COLGALT2: variants seen among roughly 807,000 people sequenced by gnomAD.
COLGALT2 encodes the protein procollagen galactosyltransferase 2.
In COLGALT2, 49 loss-of-function variants were observed where a neutral mutation model predicts 73.4. The ratio of observed to expected loss-of-function variants is 0.67; its 90% CI spans 0.53 to 0.85. The LOEUF (loss-of-function observed/expected upper bound fraction) is 0.85, where lower values mean the gene tolerates loss of function less well. Among genes scored for constraint, COLGALT2 ranks in the 40% least tolerant of loss-of-function variants. COLGALT2 has a pLI of 0.00. For missense variants in COLGALT2, 722 were observed against 790.2 expected (o/e 0.91, Z 1.03); for synonymous variants, 295 against 307.6 (o/e 0.96, Z 0.43).
At chr1:183,960,654 T>C (rs1221858592) in intron 6 of COLGALT2, among the ~76,000 whole-genome samples, 1 of 152,248 alleles carries the variant, frequency 6.6e-6, no homozygotes, top group Non-Finnish European at 1.5e-5. Flanking sequence ...CATATACTAA[T>C]GCAAGCTTGT....
chr1:184,034,788 G>A (rs945033092), intron 1 of COLGALT2, among the ~76,000 whole-genome samples: 1 of 152,212 alleles, frequency 6.6e-6, no homozygotes, highest in Non-Finnish European at 1.5e-5. Flanking sequence ...GTAATTTTGA[G>A]TAAGTCAATC....
intron 1 of COLGALT2, among the ~76,000 whole-genome samples, chr1:184,014,284 A>G (rs1648928190): frequency 1.3e-5 from 2 of 152,210 alleles, no homozygotes; most frequent in South Asian, 4.1e-4. Flanking sequence ...CAGCAAGGTA[A>G]GAAGAAAATT....
intron 4 of COLGALT2, among the ~76,000 whole-genome samples, chr1:183,970,573 A>G (rs1234647191): frequency 6.6e-6 from 1 of 152,154 alleles, no homozygotes; most frequent in Non-Finnish European, 1.5e-5. Context: ...TGCCGACCCC[A>G]TGATAAGGGA....
chr1:183,969,621 A>G (rs995464301), intron 4 of COLGALT2, 148 bp from the exon 5 acceptor site: 9 of 561,950 alleles, frequency 1.6e-5, no homozygotes, highest in Non-Finnish European at 2.4e-5. Flanking sequence ...ATCATGGCCT[A>G]TGAATTTCCA....
chr1:183,932,008 G>A (rs1208963175), downstream of COLGALT2, among the ~76,000 whole-genome samples: 1 of 152,148 alleles, frequency 6.6e-6, no homozygotes, highest in Non-Finnish European at 1.5e-5. Flanking sequence ...TTATCTGAGA[G>A]TTTGCAGTAT....
intron 1 of COLGALT2, 85 bp downstream of exon 1, chr1:184,037,010 T>G: frequency 8.6e-7 from 1 of 1,168,646 alleles, no homozygotes; most frequent in Non-Finnish European, 1.1e-6. Context: ...TCCCTCGCCC[T>G]GCAGCTGCTG....
At chr1:183,940,922 A>G in intron 10 of COLGALT2, 135 bp from the exon 11 acceptor site, 2 of 782,592 alleles carry the variant, frequency 2.6e-6, no homozygotes, top group Non-Finnish European at 4.2e-6. Context: ...GATGTATCAC[A>G]TCCAAAAGTG....
chr1:184,023,195 T>C (rs561365614), intron 1 of COLGALT2, among the ~76,000 whole-genome samples: 2 of 152,348 alleles, frequency 1.3e-5, no homozygotes, highest in East Asian at 3.9e-4. Context: ...TTCTGTAGCA[T>C]ATAAACTCAA....
intron 11 of COLGALT2, 87 bp from the exon 12 acceptor site, chr1:183,939,124 T>A: frequency 1.1e-6 from 1 of 892,504 alleles, no homozygotes; most frequent in South Asian, 1.7e-5. Flanking sequence ...GCCTCCTGGT[T>A]ACCTCATGAG....
intron 7 of COLGALT2, among the ~76,000 whole-genome samples, chr1:183,953,134 C>T (rs900997667): frequency 3.9e-5 from 6 of 152,080 alleles, no homozygotes; most frequent in South Asian, 2.1e-4. Context: ...ACTGTAGCCA[C>T]GAAGTAAAAA....
intron 5 of COLGALT2, among the ~76,000 whole-genome samples, chr1:183,966,424 T>C (rs532495526): frequency 6.6e-6 from 1 of 152,326 alleles, no homozygotes; most frequent in Non-Finnish European, 1.5e-5. Flanking sequence ...TCTTTGGTGA[T>C]GAAAAATCAG....
intron 6 of COLGALT2, among the ~76,000 whole-genome samples, chr1:183,963,122 C>T (rs1656394271): frequency 6.6e-6 from 1 of 152,222 alleles, no homozygotes; most frequent in African/African-American, 2.4e-5. Flanking sequence ...TAATAAAAAG[C>T]ATAGCTACTG....
intron 1 of COLGALT2, among the ~76,000 whole-genome samples, chr1:183,980,298 A>G (rs1671313576): frequency 1.3e-5 from 2 of 151,976 alleles, no homozygotes; most frequent in South Asian, 4.1e-4. Context: ...CTAAAATGCT[A>G]CTTCTTTGAG....
At chr1:184,030,323 T>G (rs757200835) in intron 1 of COLGALT2, among the ~76,000 whole-genome samples, 2 of 152,184 alleles carry the variant, frequency 1.3e-5, no homozygotes, top group African/African-American at 2.4e-5. Context: ...ATAGCTATAA[T>G]TTAAACACAT....
chr1:184,021,355 A>G (rs1207475767), intron 1 of COLGALT2, among the ~76,000 whole-genome samples: 2 of 152,174 alleles, frequency 1.3e-5, no homozygotes, highest in African/African-American at 4.8e-5. Flanking sequence ...TTGATCCCCA[A>G]TGTGGTAACG....
intron 1 of COLGALT2, among the ~76,000 whole-genome samples, chr1:183,993,021 G>A (rs149382138): frequency 4.8e-4 from 73 of 152,130 alleles, no homozygotes; most frequent in African/African-American, 1.6e-3. Context: ...ATCAGCACTG[G>A]GTAAAGGGTT....
chr1:183,973,491 T>C, intron 4 of COLGALT2, 125 bp downstream of exon 4: 2 of 1,252,554 alleles, frequency 1.6e-6, no homozygotes, highest in Non-Finnish European at 1.1e-6. Context: ...AAATGCTTGC[T>C]CTGGGAACAC....
At chr1:183,997,572 A>T (rs184299278) in intron 1 of COLGALT2, among the ~76,000 whole-genome samples, 82 of 152,032 alleles carry the variant, frequency 5.4e-4, no homozygotes, top group African/African-American at 1.9e-3. Flanking sequence ...GATGAGCTAT[A>T]AAAAAATTGC....
intron 1 of COLGALT2, among the ~76,000 whole-genome samples, chr1:183,984,110 A>G (rs1671424552): frequency 6.6e-6 from 1 of 152,202 alleles, no homozygotes; most frequent in Non-Finnish European, 1.5e-5. Flanking sequence ...CTGACTCAGG[A>G]TAAGACACCA....
Sources: allele counts gnomAD v4.1 joint callset (sites outside exome capture counted in the v4.1 genomes callset), GRCh38; gene constraint gnomAD v4.1.1; transcripts MANE v1.5; gene names NCBI Gene and HGNC (gene_info 2026-07-23, HGNC 2026-07-21).